Variants in NPAS3 observed in about 807,000 individuals in gnomAD.
The protein encoded by NPAS3 is neuronal PAS domain-containing protein 3.
A neutral mutation model predicts 73.1 loss-of-function variants in NPAS3; 14 were observed. That is an observed-to-expected ratio of 0.19 (90% confidence interval 0.13 to 0.30). NPAS3 has a LOEUF of 0.30. NPAS3 is among the 10% of genes least tolerant of loss of function. The probability of loss-of-function intolerance (pLI) is 1.00; values close to 1 mark genes in which losing one functional copy is unlikely to be tolerated. For missense variants in NPAS3, 1,096 were observed against 1,250.0 expected (o/e 0.88, Z 1.86); for synonymous variants, 620 against 541.5 (o/e 1.14, Z -2.01).
chr14:33,029,663 C>A (rs1425076398), intron 1 of NPAS3, among the ~76,000 whole-genome samples: 1 of 152,174 alleles, frequency 6.6e-6, no homozygotes, highest in Non-Finnish European at 1.5e-5. Flanking sequence ...TGAGGACCAC[C>A]AAACCTGGTG....
At chr14:33,508,315 A>T (rs531861025) in intron 4 of NPAS3, among the ~76,000 whole-genome samples, 2 of 152,144 alleles carry the variant, frequency 1.3e-5, no homozygotes, top group Admixed American at 6.5e-5. Context: ...CGCCTTCCAG[A>T]TGCATTACCA....
chr14:33,114,236 A>G (rs559810417), intron 2 of NPAS3, among the ~76,000 whole-genome samples: 17 of 152,202 alleles, frequency 1.1e-4, no homozygotes, highest in Admixed American at 9.8e-4. Flanking sequence ...GGTTTTTGCC[A>G]TGTTGGCCAG....
chr14:33,175,173 A>C (rs1026450187), intron 2 of NPAS3, among the ~76,000 whole-genome samples: 1 of 152,202 alleles, frequency 6.6e-6, no homozygotes, highest in Non-Finnish European at 1.5e-5. Flanking sequence ...ACATAATTTA[A>C]AATGTAGATG....
chr14:33,507,218 T>C (rs2052808708), intron 4 of NPAS3, among the ~76,000 whole-genome samples: 1 of 151,968 alleles, frequency 6.6e-6, no homozygotes, highest in African/African-American at 2.4e-5. Flanking sequence ...AACGTAAGGA[T>C]AGAATGCAGT....
chr14:33,193,082 G>A (rs1594354415), intron 2 of NPAS3, among the ~76,000 whole-genome samples: 1 of 151,996 alleles, frequency 6.6e-6, no homozygotes. Context: ...AAAACAATTC[G>A]TTGGTTTGCT....
intron 2 of NPAS3, among the ~76,000 whole-genome samples, chr14:33,095,864 G>C (rs1045470639): frequency 6.6e-6 from 1 of 151,354 alleles, no homozygotes; most frequent in East Asian, 1.9e-4. Context: ...AGTAGAGACG[G>C]GGTTTCACCG....
chr14:33,295,522 G>A (rs1295803621), intron 3 of NPAS3, among the ~76,000 whole-genome samples: 1 of 152,132 alleles, frequency 6.6e-6, no homozygotes, highest in Non-Finnish European at 1.5e-5. Context: ...CACCAGCCAA[G>A]TAGTTATACA....
chr14:33,158,135 C>T (rs1480777161), intron 2 of NPAS3, among the ~76,000 whole-genome samples: 1 of 152,212 alleles, frequency 6.6e-6, no homozygotes, highest in East Asian at 1.9e-4. Context: ...TATTCAAAAT[C>T]GTTGAGCAGT....
rs1415677594 is a variant in NPAS3 at position 33,250,356 on chromosome 14, G to A, written c.385+34930G>A. ...AGAAGGAAAAAGAGGATTTATCTCT[G>A]TGGTAACTCTAAGTAATTGATATAC... On this transcript the variant is annotated intron_variant, in intron 3 of 11. Transcript: ENST00000356141. Among the ~76,000 whole-genome samples, 10 of 152,072 alleles carry A rather than the reference G, an allele frequency of 6.6e-5. No homozygotes were observed. The East Asian group carries it at 1.7e-3, about 26-fold the overall frequency.
At chr14:33,095,706 T>C (rs944314428) in intron 2 of NPAS3, among the ~76,000 whole-genome samples, 12 of 134,406 alleles carry the variant, frequency 8.9e-5, no homozygotes, top group Non-Finnish European at 1.7e-4. Flanking sequence ...TCTCGCTCTG[T>C]CGCCCAGGCT....
chr14:33,096,846 G>C (rs747795175), intron 2 of NPAS3, among the ~76,000 whole-genome samples: 10 of 152,070 alleles, frequency 6.6e-5, no homozygotes, highest in Non-Finnish European at 1.3e-4. Context: ...TCCTCTACTT[G>C]TTATCTTAAT....
intron 9 of NPAS3, among the ~76,000 whole-genome samples, chr14:33,784,759 T>A (rs1359154541): frequency 3.0e-4 from 39 of 129,872 alleles, no homozygotes; most frequent in African/African-American, 1.0e-3. Context: ...TTTTTTTTTT[T>A]TTTTTTTTGA....
intron 11 of NPAS3, 36 bp from the exon 12 acceptor site, chr14:33,799,698 C>T: frequency 6.5e-7 from 1 of 1,544,940 alleles, no homozygotes; most frequent in Non-Finnish European, 8.7e-7. Flanking sequence ...TCTTCTCTCT[C>T]CGCCCCCGCC....
chr14:33,507,118 A>G (rs17101375), intron 4 of NPAS3, among the ~76,000 whole-genome samples: 6,227 of 152,084 alleles, frequency 0.041, 143 homozygotes, highest in Non-Finnish European at 0.048. Flanking sequence ...TTCATTTTGT[A>G]GAATGTAATG....
chr14:33,048,936 T>C (rs929922597), intron 1 of NPAS3, among the ~76,000 whole-genome samples: 5 of 152,206 alleles, frequency 3.3e-5, no homozygotes, highest in African/African-American at 1.2e-4. Context: ...AGAGAAGCTT[T>C]CGATGGAGGG....
rs528006323 is a variant in NPAS3 at position 33,092,433 on chromosome 14, G to A, written c.140+36439G>A. ...CAAGGGATGTGGAGGACCTCTTCAA[G>A]GAGAACTACAAACCACTGCTCAGTG... On this transcript the variant is annotated intron_variant, in intron 2 of 11. Coordinates refer to ENST00000356141, the Ensembl canonical transcript of NPAS3. Among the ~76,000 whole-genome samples the A allele has an allele frequency of 5.9e-5, 9 of 152,206 alleles. No homozygotes were observed. In the South Asian group the frequency reaches 1.9e-3, roughly 31 times the overall value.
At chr14:33,629,404 G>A (rs2058316795) in intron 5 of NPAS3, among the ~76,000 whole-genome samples, 1 of 152,178 alleles carries the variant, frequency 6.6e-6, no homozygotes, top group African/African-American at 2.4e-5. Context: ...TTGTTCTGAT[G>A]AGAATTCAGC....
At chr14:33,081,709 A>C (rs561165998) in intron 2 of NPAS3, among the ~76,000 whole-genome samples, 2 of 152,300 alleles carry the variant, frequency 1.3e-5, no homozygotes, top group South Asian at 4.1e-4. Flanking sequence ...AACTGATGCA[A>C]CTTATCTCTC....
intron 3 of NPAS3, among the ~76,000 whole-genome samples, chr14:33,243,108 A>G (rs1460132706): frequency 6.6e-6 from 1 of 152,116 alleles, no homozygotes; most frequent in Non-Finnish European, 1.5e-5. Context: ...TTAAGTTTTA[A>G]TTGTTTTCTG....
Sources: allele counts gnomAD v4.1 joint callset (sites outside exome capture counted in the v4.1 genomes callset), GRCh38; gene constraint gnomAD v4.1.1; transcripts MANE v1.5; gene names NCBI Gene and HGNC (gene_info 2026-07-23, HGNC 2026-07-21).